NUP205: variants seen among roughly 807,000 people sequenced by gnomAD.
NUP205 encodes the protein nuclear pore complex protein Nup205.
In NUP205, 76 loss-of-function variants were observed where a neutral mutation model predicts 253.8. That is an observed-to-expected ratio of 0.30 (90% CI 0.25 to 0.36). NUP205 has a LOEUF of 0.36. Among genes scored for constraint, NUP205 ranks in the 10% least tolerant of loss-of-function variants. The pLI is 1.00. For synonymous variants in NUP205, 832 were observed against 850.1 expected (o/e 0.98, Z 0.37); for missense variants, 2,162 against 2,425.5 (o/e 0.89, Z 2.28).
chr7:135,568,279 A>G (rs888936866), intron 1 of NUP205, among the ~76,000 whole-genome samples: 2 of 151,874 alleles, frequency 1.3e-5, no homozygotes, highest in Admixed American at 1.3e-4. Flanking sequence ...AAAATGGGAC[A>G]GAACACAAAA....
chr7:135,615,858 T>C (rs2129491209), intron 23 of NUP205, 58 bp from the exon 24 acceptor site: 5 of 1,145,228 alleles, frequency 4.4e-6, no homozygotes, highest in Non-Finnish European at 6.0e-6. Context: ...AGAATTTAAG[T>C]CTGTTTTGAT....
intron 10 of NUP205, 83 bp from the exon 11 acceptor site, chr7:135,591,367 A>G (rs1806624420): frequency 8.7e-7 from 1 of 1,151,318 alleles, no homozygotes; most frequent in South Asian, 1.3e-5. Flanking sequence ...CTTTTAGTTT[A>G]TATGTAGTCT....
intron 11 of NUP205, among the ~76,000 whole-genome samples, chr7:135,592,606 G>A (rs560895845): frequency 6.6e-6 from 1 of 152,344 alleles, no homozygotes; most frequent in African/African-American, 2.4e-5. Flanking sequence ...GTTGTTTTAG[G>A]CTGGGTGCAG....
intron 31 of NUP205, 125 bp from the exon 32 acceptor site, chr7:135,625,029 AATTTTGTTGC>A: frequency 1.4e-6 from 1 of 738,102 alleles, no homozygotes; most frequent in East Asian, 2.8e-5. Context: ...ATAAAAAGGA[AATTTTGTTGC>A]AAGTAACATT....
chr7:135,581,882 G>A (rs1806316189), intron 7 of NUP205, among the ~76,000 whole-genome samples: 1 of 151,680 alleles, frequency 6.6e-6, no homozygotes, highest in Non-Finnish European at 1.5e-5. Flanking sequence ...AAAAAACCAA[G>A]CATTTTTGTA....
intron 35 of NUP205, among the ~76,000 whole-genome samples, chr7:135,635,098 G>A (rs1794783182): frequency 6.6e-6 from 1 of 152,106 alleles, no homozygotes; most frequent in Admixed American, 6.5e-5. Context: ...GGGTCATTTC[G>A]ATTTAGGAAT....
intron 7 of NUP205, 24 bp downstream of exon 7, chr7:135,578,939 G>A (rs775863012): frequency 5.8e-6 from 9 of 1,559,380 alleles, no homozygotes; most frequent in Middle Eastern, 1.7e-4. Context: ...AGGTAATTTT[G>A]TTATGAGAAA....
rs779582889 is a variant in NUP205, at chr7:135,628,123, C to A, written c.4932+12C>A. On this transcript the variant is annotated intron_variant, in intron 34 of 42. Transcript: ENST00000285968. ...AGGCAGCAGGGCAGGTAAGGTGAAC[C>A]CTTTGTTTAGATATTGTCTAGAGCA... The A allele has an allele frequency of 1.2e-6, 2 of 1,603,658 alleles. No homozygotes were observed. Among genetic ancestry groups the A allele is most frequent in the Admixed American group, 1.7e-5 (1 of 58,902 alleles).
At chr7:135,606,727 T>C in intron 20 of NUP205, 24 bp from the exon 21 acceptor site, 1 of 1,597,850 alleles carries the variant, frequency 6.3e-7, no homozygotes, top group Non-Finnish European at 8.6e-7. Flanking sequence ...TTTTGTAATT[T>C]TGTTTTGTGA....
chr7:135,625,568 T>C (rs966150831), intron 32 of NUP205, among the ~76,000 whole-genome samples: 1 of 152,190 alleles, frequency 6.6e-6, no homozygotes, highest in Non-Finnish European at 1.5e-5. Context: ...GGACTGCTGC[T>C]TCCCTCACTC....
At chr7:135,591,402 A>T in intron 10 of NUP205, 48 bp from the exon 11 acceptor site, 1 of 1,559,634 alleles carries the variant, frequency 6.4e-7, no homozygotes, top group Non-Finnish European at 8.8e-7. Context: ...GTGTTGCCTT[A>T]AAGTTAAGAT....
At chr7:135,622,172 C>A (rs1452027350) in intron 30 of NUP205, among the ~76,000 whole-genome samples, 1 of 151,388 alleles carries the variant, frequency 6.6e-6, no homozygotes, top group Non-Finnish European at 1.5e-5. Context: ...CACCTGTAAT[C>A]CCAGCACTTT....
At chr7:135,602,013 A>G (rs1290314613) in intron 17 of NUP205, among the ~76,000 whole-genome samples, 2 of 152,222 alleles carry the variant, frequency 1.3e-5, no homozygotes, top group African/African-American at 4.8e-5. Context: ...TTTAACAAAT[A>G]AAGAAGCTGA....
At chr7:135,630,493 A>AT (rs745712859) in intron 35 of NUP205, 23 bp downstream of exon 35, 1 of 1,569,776 alleles carries the variant, frequency 6.4e-7, no homozygotes, top group East Asian at 2.3e-5. Flanking sequence ...TGTTGAAAGG[A>AT]TTTTTAATAA....
At chr7:135,600,168 CA>C (rs1793934130) in intron 15 of NUP205, among the ~76,000 whole-genome samples, 1 of 152,068 alleles carries the variant, frequency 6.6e-6, no homozygotes, top group Non-Finnish European at 1.5e-5. Flanking sequence ...ATTTTTTAAA[CA>C]AAGTTTTAAT....
intron 36 of NUP205, among the ~76,000 whole-genome samples, chr7:135,637,086 AT>A (rs2129492395): frequency 6.6e-6 from 1 of 152,340 alleles, no homozygotes; most frequent in East Asian, 1.9e-4. Flanking sequence ...TGTATATTGT[AT>A]TACCAATTTT....
At chr7:135,618,675 T>C in intron 28 of NUP205, 72 bp downstream of exon 28, 3 of 1,342,248 alleles carry the variant, frequency 2.2e-6, no homozygotes, top group Non-Finnish European at 3.1e-6. Context: ...TTTGGCATCC[T>C]AATTGTTTTC....
chr7:135,642,628 A>C (rs927067197), intron 38 of NUP205, among the ~76,000 whole-genome samples: 1 of 152,228 alleles, frequency 6.6e-6, no homozygotes, highest in African/African-American at 2.4e-5. Flanking sequence ...GTTGTGGCAA[A>C]AGATTTTTTA....
Position 135,645,516 on chromosome 7 carries a change from A to G in NUP205, c.5732A>G (p.Tyr1911Cys), listed in dbSNP as rs990343863. Residue 1911 changes from tyrosine (Y) to cysteine (C), a missense_variant, in exon 41 of 43, where the codon TAC becomes TGC. By Grantham distance (194) the Tyr-to-Cys change is radical (BLOSUM62 -2). Transcript: ENST00000285968. ...LFILWRHLEY[Y>C]LLHCMPTDSQ... ...ATTCTTTGGCGCCATCTGGAGTACT[A>G]CTTGTTACATTGCATGCCCACGGAT... is the stretch of plus-strand genomic sequence containing the variant. The G allele has an allele frequency of 2.5e-6, 4 of 1,613,964 alleles. No individual in the cohort carries two copies. Among genetic ancestry groups the G allele is most frequent in the Non-Finnish European group, 2.5e-6 (3 of 1,179,822 alleles).
Sources: allele counts gnomAD v4.1 joint callset (sites outside exome capture counted in the v4.1 genomes callset), GRCh38; gene constraint gnomAD v4.1.1; transcripts MANE v1.5; gene names NCBI Gene and HGNC (gene_info 2026-07-23, HGNC 2026-07-21).